TTLL7: variants seen among roughly 807,000 people sequenced by gnomAD.
TTLL7 encodes the protein tubulin polyglutamylase TTLL7.
Under a neutral mutation model 120.2 loss-of-function variants are expected in TTLL7, and 53 were observed. That is an observed-to-expected ratio of 0.44 (90% CI 0.35 to 0.55). The LOEUF (loss-of-function observed/expected upper bound fraction) is 0.55, where lower values mean the gene tolerates loss of function less well. Ranked by LOEUF, TTLL7 falls within the 20% of genes least tolerant of loss-of-function variation. The probability of loss-of-function intolerance (pLI) is 0.00; values close to 1 mark genes in which losing one functional copy is unlikely to be tolerated. For missense variants in TTLL7, 803 were observed against 1,054.7 expected, an observed-to-expected ratio of 0.76 and a Z score of 3.31; for synonymous variants, 353 against 351.7, an observed-to-expected ratio of 1.00 and a Z score of -0.04.
chr1:83,921,224 G>T, intron 11 of TTLL7, 23 bp downstream of exon 11: 1 of 1,610,696 alleles, frequency 6.2e-7, no homozygotes, highest in South Asian at 1.1e-5. Context: ...TAAATTGTGG[G>T]TACTTTCTTA....
At chr1:83,953,314 G>T (rs1469322110) in intron 1 of TTLL7, among the ~76,000 whole-genome samples, 3 of 152,012 alleles carry the variant, frequency 2.0e-5, no homozygotes, top group Non-Finnish European at 4.4e-5. Context: ...TTCAGTTCTT[G>T]TAAAATATCT....
chr1:83,951,774 A>G (rs1230056920), intron 3 of TTLL7, 71 bp downstream of exon 3: 15 of 1,495,674 alleles, frequency 1.0e-5, no homozygotes, highest in Non-Finnish European at 1.3e-5. Context: ...GGATTTCTAC[A>G]TTGTTTTTAA....
intron 1 of TTLL7, among the ~76,000 whole-genome samples, chr1:83,972,797 GT>G (rs1318302665): frequency 7.2e-5 from 11 of 152,108 alleles, no homozygotes; most frequent in Admixed American, 3.3e-4. Context: ...TCTCATTCTT[GT>G]TTTAACTTTC....
chr1:83,913,547 C>T (rs1657851064), intron 14 of TTLL7, among the ~76,000 whole-genome samples: 1 of 152,108 alleles, frequency 6.6e-6, no homozygotes, highest in African/African-American at 2.4e-5. Context: ...TGTGTGATAC[C>T]ATCCCTCTAA....
chr1:83,873,957 A>T (rs1258678397), intron 20 of TTLL7, among the ~76,000 whole-genome samples: 1 of 152,088 alleles, frequency 6.6e-6, no homozygotes, highest in Non-Finnish European at 1.5e-5. Flanking sequence ...TAAAATATTT[A>T]TATTATAGTG....
At chr1:83,884,382 T>C (rs1358222575) in intron 19 of TTLL7, among the ~76,000 whole-genome samples, 1 of 150,564 alleles carries the variant, frequency 6.6e-6, no homozygotes, top group Non-Finnish European at 1.5e-5. Context: ...CAACCTTCTG[T>C]GGATATTTGA....
In TTLL7 at chr1:83,903,998, G is replaced by GAA. The variant is rs1489055779; in HGVS notation, c.2208+80_2208+81insTT. 13 of 1,024,370 alleles carry GAA rather than the reference G, an allele frequency of 1.3e-5. No homozygotes were observed. In the East Asian group the frequency reaches 2.9e-4, roughly 23 times the overall value. The allele number at this position is 1,024,370 out of a possible 1,614,324, so 63.5% of individuals were successfully genotyped here. A position where few individuals can be genotyped will look rare whatever the true frequency, so the allele number is the denominator to read the frequency against. On this transcript the variant is annotated intron_variant, in intron 18 of 20. Transcript: ENST00000260505. ...GAGTAAACAAATGAGCAAATATACA[G>GAA]TCTGTCTATGAATTTGGCTTAATGA...
intron 1 of TTLL7, among the ~76,000 whole-genome samples, chr1:83,958,228 G>C (rs1649697976): frequency 6.6e-6 from 1 of 152,070 alleles, no homozygotes; most frequent in East Asian, 1.9e-4. Flanking sequence ...TTAAAGAAAA[G>C]AGATATAATG....
At chr1:83,986,720 G>A (rs956073304) in intron 1 of TTLL7, among the ~76,000 whole-genome samples, 8 of 152,110 alleles carry the variant, frequency 5.3e-5, no homozygotes, top group Non-Finnish European at 8.8e-5. Context: ...ATGCACCTGT[G>A]TCCCAGCTAC....
chr1:83,871,119 G>A (rs1463254926), intron 20 of TTLL7, among the ~76,000 whole-genome samples: 4 of 150,986 alleles, frequency 2.6e-5, no homozygotes, highest in Admixed American at 6.6e-5. Flanking sequence ...AGGTTCAAGC[G>A]ATTCTCTTGC....
At chr1:83,933,351 C>T (rs1317052885) in intron 9 of TTLL7, among the ~76,000 whole-genome samples, 1 of 152,116 alleles carries the variant, frequency 6.6e-6, no homozygotes, top group African/African-American at 2.4e-5. Context: ...AGTAAAAGCA[C>T]CTCCACACTT....
chr1:83,933,896 T>C (rs1056039909), intron 8 of TTLL7, 130 bp from the exon 9 acceptor site: 2 of 762,444 alleles, frequency 2.6e-6, no homozygotes, highest in South Asian at 1.8e-5. Context: ...CCCCTGCCAC[T>C]GCTCTGACTT....
chr1:83,936,674 T>C (rs1039124022), intron 8 of TTLL7, among the ~76,000 whole-genome samples: 8 of 152,358 alleles, frequency 5.3e-5, no homozygotes, highest in African/African-American at 1.9e-4. Context: ...GTTAACAAAT[T>C]GGTGGATATC....
intron 18 of TTLL7, among the ~76,000 whole-genome samples, chr1:83,893,090 A>C (rs1655915668): frequency 6.6e-6 from 1 of 151,818 alleles, no homozygotes; most frequent in South Asian, 2.1e-4. Flanking sequence ...GATGGAAGGG[A>C]ATCATTTGGT....
chr1:83,900,310 T>C, intron 18 of TTLL7: 1 of 246,392 alleles, frequency 4.1e-6, no homozygotes, highest in South Asian at 4.3e-5. Context: ...TGCAGTTAAC[T>C]ACAAAATGAG....
chr1:83,983,679 G>C (rs1398524508), intron 1 of TTLL7, among the ~76,000 whole-genome samples: 1 of 152,154 alleles, frequency 6.6e-6, no homozygotes. Context: ...AGAGTAAACA[G>C]ACAACCTACA....
At chr1:83,911,077 C>A in intron 15 of TTLL7, 88 bp downstream of exon 15, 1 of 1,090,600 alleles carries the variant, frequency 9.2e-7, no homozygotes, top group South Asian at 1.5e-5. Context: ...CAACAGGGTT[C>A]ATTTGGCCCA....
At chr1:83,909,213 T>C (rs1173091710) in intron 15 of TTLL7, among the ~76,000 whole-genome samples, 2 of 149,320 alleles carry the variant, frequency 1.3e-5, no homozygotes, top group Admixed American at 6.8e-5. Context: ...ACCTGATCAC[T>C]GGGCAGAAGG....
intron 7 of TTLL7, among the ~76,000 whole-genome samples, chr1:83,940,108 C>A (rs890013164): frequency 1.3e-5 from 2 of 152,058 alleles, no homozygotes; most frequent in East Asian, 1.9e-4. Flanking sequence ...CTGGAGCTTA[C>A]GTGATTGAAG....
Sources: gnomAD v4.1 joint callset for allele counts (sites outside exome capture counted in the v4.1 genomes callset) on GRCh38, gnomAD v4.1.1 for gene constraint, MANE v1.5 for transcripts, NCBI Gene and HGNC (gene_info 2026-07-23, HGNC 2026-07-21) for gene names.